The following F13A1 variants were observed in gnomAD, a reference collection of about 807,000 sequenced individuals.
F13A1 encodes FSF, A subunit.
In F13A1, 47 loss-of-function variants were observed where a neutral mutation model predicts 80.1. The ratio of observed to expected loss-of-function variants is 0.59; its 90% CI spans 0.46 to 0.75. The LOEUF is 0.75. Among genes scored for constraint, F13A1 ranks in the 30% least tolerant of loss-of-function variants. The pLI is 0.00. For missense variants in F13A1, 817 were observed against 930.4 expected, an observed-to-expected ratio of 0.88 and a Z score of 1.59; for synonymous variants, 349 against 344.9, an observed-to-expected ratio of 1.01 and a Z score of -0.13.
chr6:6,157,340 T>G (rs1462920825), intron 13 of F13A1, among the ~76,000 whole-genome samples: 1 of 152,184 alleles, frequency 6.6e-6, no homozygotes, highest in Admixed American at 6.5e-5. Flanking sequence ...CTGGCGGAAG[T>G]TGGATATAAA....
chr6:6,222,299 C>G, intron 7 of F13A1, 128 bp from the exon 8 acceptor site: 1 of 1,262,578 alleles, frequency 7.9e-7, no homozygotes, highest in African/African-American at 1.5e-5. Flanking sequence ...ATGTTATTCT[C>G]AAATGTTCCA....
intron 13 of F13A1, among the ~76,000 whole-genome samples, chr6:6,161,288 G>T (rs1760568139): frequency 6.6e-6 from 1 of 152,042 alleles, no homozygotes; most frequent in African/African-American, 2.4e-5. Context: ...CCCACTTCAG[G>T]CCAGTGGCCC....
rs1173740142 is a variant in F13A1 at position 6,260,783 on chromosome 6, C to T, written c.571+5775G>A. Among the ~76,000 whole-genome samples, 4 of 152,136 alleles carry T rather than the reference C, an allele frequency of 2.6e-5. 1 individual carries two copies. Among genetic ancestry groups the T allele is most frequent in the Admixed American group, 1.3e-4 (2 of 15,270 alleles). ...AAAAATAATAAAGCTCACTGGATCC[C>T]TCTGCATTAAGGAAGGAGAATTTGC... On this transcript the variant is annotated intron_variant, in intron 4 of 14. Coordinates refer to ENST00000264870, the MANE Select transcript of F13A1 (RefSeq NM_000129.4).
intron 12 of F13A1, among the ~76,000 whole-genome samples, chr6:6,174,141 G>A (rs1042711530): frequency 6.6e-6 from 1 of 151,974 alleles, no homozygotes; most frequent in Non-Finnish European, 1.5e-5. Context: ...TATAATTCCA[G>A]CACTTTGGCA....
chr6:6,276,571 T>C (rs927109991), intron 3 of F13A1, among the ~76,000 whole-genome samples: 9 of 152,220 alleles, frequency 5.9e-5, no homozygotes, highest in Non-Finnish European at 1.3e-4. Flanking sequence ...GTCCATTTTA[T>C]ATATGGGAAA....
Position 6,248,369 on chromosome 6 carries a change from T to C in F13A1, c.741A>G (p.Gln247=), listed in dbSNP as rs146083032. 35 of 1,613,804 alleles carry C rather than the reference T, an allele frequency of 2.2e-5. No homozygotes were observed. The African/African-American group carries it at 3.9e-4, about 18-fold the overall frequency. Residue 247 remains glutamine, a synonymous_variant, in exon 6 of 15, where the codon CAA becomes CAG. Transcript: ENST00000264870. ...DTCLYVMDRA[Q]MDLSGRGNPI... The stretch of plus-strand genomic sequence containing the variant: ...GATTCCCTCTTCCAGAGAGGTCCAT[T>C]TGTGCTCTGTCCATCACATACAGGC...
chr6:6,161,423 C>T (rs1260611470), intron 13 of F13A1, among the ~76,000 whole-genome samples: 1 of 152,014 alleles, frequency 6.6e-6, no homozygotes, highest in Non-Finnish European at 1.5e-5. Context: ...GATGTCAATC[C>T]CCCCAGTGCA....
chr6:6,226,392 A>T (rs1757276227), intron 6 of F13A1, among the ~76,000 whole-genome samples: 1 of 152,228 alleles, frequency 6.6e-6, no homozygotes, highest in African/African-American at 2.4e-5. Flanking sequence ...TCACTGGGTG[A>T]TTTGTGTGCA....
chr6:6,210,404 G>A (rs1761585677), intron 8 of F13A1, among the ~76,000 whole-genome samples: 1 of 137,492 alleles, frequency 7.3e-6, no homozygotes, highest in African/African-American at 2.7e-5. Context: ...AAGTGCAGTG[G>A]CACGATCTCG....
At chr6:6,189,493 G>C (rs1761140667) in intron 10 of F13A1, among the ~76,000 whole-genome samples, 1 of 138,788 alleles carries the variant, frequency 7.2e-6, no homozygotes, top group Non-Finnish European at 1.6e-5. Context: ...AGCTTAGTTT[G>C]GCTGAATATG....
intron 4 of F13A1, 45 bp downstream of exon 4, chr6:6,266,513 A>G (rs1302379774): frequency 3.1e-6 from 5 of 1,614,098 alleles, no homozygotes; most frequent in Non-Finnish European, 4.2e-6. Context: ...CACCCCGCCA[A>G]ATAGGTGAAT....
intron 3 of F13A1, among the ~76,000 whole-genome samples, chr6:6,274,629 A>G (rs1283324564): frequency 6.6e-6 from 1 of 152,236 alleles, no homozygotes; most frequent in Non-Finnish European, 1.5e-5. Flanking sequence ...TATTTCTGAG[A>G]AAGAGGACTG....
chr6:6,200,549 TAAA>T (rs60759542), intron 8 of F13A1, among the ~76,000 whole-genome samples: 4 of 105,180 alleles, frequency 3.8e-5, no homozygotes, highest in Admixed American at 1.0e-4. Context: ...AGACCCTGTC[TAAA>T]AAAAAAAAAA....
chr6:6,216,091 G>C (rs1757083200), intron 8 of F13A1, among the ~76,000 whole-genome samples: 4 of 149,234 alleles, frequency 2.7e-5, no homozygotes, highest in African/African-American at 7.4e-5. Context: ...CGTGAAAATG[G>C]CCATACTGCC....
intron 11 of F13A1, 102 bp from the exon 12 acceptor site, chr6:6,174,969 A>G (rs1276708403): frequency 9.9e-6 from 14 of 1,415,234 alleles, no homozygotes; most frequent in Non-Finnish European, 1.2e-5. Flanking sequence ...GGGTGTTTCT[A>G]TAATACAAGC....
Position 6,151,884 on chromosome 6 carries a change from T to C in F13A1, c.1974A>G (p.Lys658=). The C allele has an allele frequency of 6.2e-7, 1 of 1,614,112 alleles. No homozygotes were observed. Among genetic ancestry groups the C allele is most frequent in the Admixed American group, 1.7e-5 (1 of 60,012 alleles). Residue 658 remains lysine, a synonymous_variant, in exon 14 of 15, where the codon AAA becomes AAG. Transcript: ENST00000264870. ...GTACCCAGACATTTCGCAGGGTTTC[T>C]TTTAAAGGATTGGTAAACTCAACTG... ...TVTVEFTNPL[K]ETLRNVWVHL... is the part of the protein sequence containing the mutation.
chr6:6,219,841 T>G (rs992638150), intron 8 of F13A1, among the ~76,000 whole-genome samples: 1 of 152,218 alleles, frequency 6.6e-6, no homozygotes, highest in Non-Finnish European at 1.5e-5. Flanking sequence ...CTGACCGCTT[T>G]GATGTACTTG....
intron 10 of F13A1, among the ~76,000 whole-genome samples, chr6:6,188,424 CTT>C (rs1423496953): frequency 1.4e-5 from 2 of 140,312 alleles, no homozygotes; most frequent in Admixed American, 1.5e-4. Context: ...TATGTTGTGT[CTT>C]TGTTCTCGTT....
intron 13 of F13A1, among the ~76,000 whole-genome samples, chr6:6,155,799 AT>A (rs1298158278): frequency 6.6e-6 from 1 of 152,210 alleles, no homozygotes; most frequent in Non-Finnish European, 1.5e-5. Context: ...GCTGAGAACA[AT>A]GACTATTTGG....
Sources: allele counts gnomAD v4.1 joint callset (sites outside exome capture counted in the v4.1 genomes callset), GRCh38; gene constraint gnomAD v4.1.1; transcripts MANE v1.5; gene names NCBI Gene and HGNC (gene_info 2026-07-23, HGNC 2026-07-21).